Variants in FHIT observed in about 807,000 individuals in gnomAD.
FHIT encodes the protein bis(5'-adenosyl)-triphosphatase.
In FHIT, 19 loss-of-function variants were observed where a neutral mutation model predicts 17.9. That is an observed-to-expected ratio of 1.06 (90% CI 0.74 to 1.56). The LOEUF (loss-of-function observed/expected upper bound fraction) is 1.56, where lower values mean the gene tolerates loss of function less well. Ranked by LOEUF, FHIT falls within the 40% of genes most tolerant of loss-of-function variation. The pLI is 0.00. For missense variants in FHIT, 248 were observed against 189.2 expected (o/e 1.31, Z -1.82); for synonymous variants, 81 against 69.7 (o/e 1.16, Z -0.81).
intron 7 of FHIT, among the ~76,000 whole-genome samples, chr3:59,940,560 G>A (rs1371466770): frequency 6.6e-6 from 1 of 152,122 alleles, no homozygotes; most frequent in Non-Finnish European, 1.5e-5. Flanking sequence ...GAGAACGAGG[G>A]TTTCTCCCAC....
intron 5 of FHIT, among the ~76,000 whole-genome samples, chr3:60,187,594 C>A (rs555830195): frequency 1.3e-5 from 2 of 152,254 alleles, no homozygotes; most frequent in East Asian, 3.9e-4. Context: ...GAATCACCAG[C>A]CCTGCCTATT....
At chr3:60,565,523 C>T (rs2107651463) in intron 4 of FHIT, among the ~76,000 whole-genome samples, 1 of 152,208 alleles carries the variant, frequency 6.6e-6, no homozygotes, top group South Asian at 2.1e-4. Flanking sequence ...AATATGAGAG[C>T]AATGGATTTC....
intron 5 of FHIT, among the ~76,000 whole-genome samples, chr3:60,034,677 G>A (rs552418757): frequency 6.6e-6 from 1 of 152,236 alleles, no homozygotes; most frequent in East Asian, 1.9e-4. Flanking sequence ...TGTTATAATG[G>A]TAATAAAATT....
chr3:60,783,526 C>G (rs1700466017), intron 4 of FHIT, among the ~76,000 whole-genome samples: 1 of 152,200 alleles, frequency 6.6e-6, no homozygotes, highest in African/African-American at 2.4e-5. Context: ...TTTACTGTAA[C>G]AGTGTACTTG....
chr3:59,796,355 C>G (rs909775891), intron 8 of FHIT, among the ~76,000 whole-genome samples: 3 of 152,142 alleles, frequency 2.0e-5, no homozygotes, highest in Non-Finnish European at 4.4e-5. Flanking sequence ...CAAGGGCTTC[C>G]TTTCCTCTTT....
intron 7 of FHIT, among the ~76,000 whole-genome samples, chr3:59,943,671 G>A (rs1559485609): frequency 6.6e-6 from 1 of 152,132 alleles, no homozygotes; most frequent in Non-Finnish European, 1.5e-5. Context: ...GAACAGCCTT[G>A]GAGTGGAAGA....
intron 7 of FHIT, among the ~76,000 whole-genome samples, chr3:59,971,185 C>G (rs563479077): frequency 6.6e-6 from 1 of 152,238 alleles, no homozygotes; most frequent in East Asian, 1.9e-4. Context: ...AAATGAATTT[C>G]AGCCTTTGAC....
At chr3:60,625,531 A>G (rs1553680634) in intron 4 of FHIT, among the ~76,000 whole-genome samples, 1 of 152,100 alleles carries the variant, frequency 6.6e-6, no homozygotes, top group East Asian at 1.9e-4. Context: ...GTATCTTTTT[A>G]TGGGCTTATT....
intron 2 of FHIT, among the ~76,000 whole-genome samples, chr3:61,046,046 T>A (rs1192155901): frequency 6.6e-6 from 1 of 151,834 alleles, no homozygotes; most frequent in African/African-American, 2.4e-5. Flanking sequence ...AGGAAAAACC[T>A]AAAGTTGACA....
At chr3:60,352,179 G>A (rs1699440581) in intron 5 of FHIT, among the ~76,000 whole-genome samples, 1 of 152,092 alleles carries the variant, frequency 6.6e-6, no homozygotes. Flanking sequence ...TTTTACTAGA[G>A]GCTGCATAAG....
chr3:61,209,252 T>C (rs1461948172), intron 1 of FHIT, among the ~76,000 whole-genome samples: 1 of 152,234 alleles, frequency 6.6e-6, no homozygotes. Context: ...CCTTAAAATT[T>C]TTTACTTCAT....
intron 3 of FHIT, among the ~76,000 whole-genome samples, chr3:60,842,645 A>ATTTTTTTTTTTTTTTTTT (rs1170383044): frequency 4.2e-5 from 4 of 94,600 alleles, no homozygotes; most frequent in Non-Finnish European, 8.7e-5. Flanking sequence ...ATATATATAT[A>ATTTTTTTTTTTTTTTTTT]TTTTTTTTTT....
intron 8 of FHIT, among the ~76,000 whole-genome samples, chr3:59,849,262 A>G (rs1443871672): frequency 6.6e-6 from 1 of 152,014 alleles, no homozygotes; most frequent in Non-Finnish European, 1.5e-5. Flanking sequence ...AATCCCAGCT[A>G]CTCAGGAGGC....
At chr3:60,472,134 T>A (rs2033118559) in intron 5 of FHIT, among the ~76,000 whole-genome samples, 1 of 146,548 alleles carries the variant, frequency 6.8e-6, no homozygotes, top group Admixed American at 6.9e-5. Context: ...ACTGCACTAG[T>A]AGCTCTCAGT....
At chr3:61,037,556 A>G (rs961538932) in intron 3 of FHIT, among the ~76,000 whole-genome samples, 1 of 152,182 alleles carries the variant, frequency 6.6e-6, no homozygotes, top group African/African-American at 2.4e-5. Context: ...CCCAAAGTCC[A>G]TGTGTTGGAA....
At chr3:59,958,361 T>A (rs953866407) in intron 7 of FHIT, among the ~76,000 whole-genome samples, 1 of 152,006 alleles carries the variant, frequency 6.6e-6, no homozygotes, top group Non-Finnish European at 1.5e-5. Context: ...AAGGACTGTA[T>A]AAAAAAAATC....
intron 4 of FHIT, among the ~76,000 whole-genome samples, chr3:60,797,673 A>T (rs1178327590): frequency 6.7e-6 from 1 of 150,222 alleles, no homozygotes; most frequent in African/African-American, 2.5e-5. Flanking sequence ...CATAACATAC[A>T]TGAAATCTGA....
chr3:60,713,055 A>G (rs1468505420), intron 4 of FHIT, among the ~76,000 whole-genome samples: 9 of 152,224 alleles, frequency 5.9e-5, no homozygotes, highest in Admixed American at 5.9e-4. Context: ...AACGTAAAAG[A>G]AGAGAAATTA....
intron 8 of FHIT, among the ~76,000 whole-genome samples, chr3:59,911,130 A>G (rs371860904): frequency 6.6e-6 from 1 of 152,316 alleles, no homozygotes; most frequent in African/African-American, 2.4e-5. Context: ...ACAGTGTTAT[A>G]TCATTAATAT....
Sources: gnomAD v4.1 joint callset for allele counts (sites outside exome capture counted in the v4.1 genomes callset) on GRCh38, gnomAD v4.1.1 for gene constraint, MANE v1.5 for transcripts, NCBI Gene and HGNC (gene_info 2026-07-23, HGNC 2026-07-21) for gene names.